Variants in POLR3B observed in about 807,000 individuals in gnomAD.
POLR3B encodes DNA-directed RNA polymerase III subunit RPC2.
Under a neutral mutation model 147.4 loss-of-function variants are expected in POLR3B, and 96 were observed. That is an observed-to-expected ratio of 0.65 (90% CI 0.55 to 0.77). The LOEUF is 0.77. Among genes scored for constraint, POLR3B ranks in the 30% least tolerant of loss-of-function variants. The pLI is 0.00. For missense variants in POLR3B, 1,036 were observed against 1,413.5 expected (o/e 0.73, Z 4.28); for synonymous variants, 461 against 485.9 (o/e 0.95, Z 0.67).
chr12:106,386,991 A>G (rs187086547), intron 9 of POLR3B, among the ~76,000 whole-genome samples: 96 of 152,314 alleles, frequency 6.3e-4, no homozygotes, highest in Middle Eastern at 6.8e-3. Flanking sequence ...TTACATACAC[A>G]CAGCTGACTT....
intron 23 of POLR3B, 173 bp from the exon 24 acceptor site, chr12:106,495,882 A>T: frequency 1.4e-6 from 1 of 714,440 alleles, no homozygotes; most frequent in Non-Finnish European, 2.6e-6. Context: ...TCGTTTTTGA[A>T]CTGTTTGTCA....
chr12:106,369,479 G>A (rs2036575350), intron 5 of POLR3B, 104 bp from the exon 6 acceptor site: 1 of 973,922 alleles, frequency 1.0e-6, no homozygotes, highest in Non-Finnish European at 1.7e-6. Flanking sequence ...AGGGATTAAA[G>A]TTCAATGTGG....
At chr12:106,501,056 A>G (rs1438388779) in intron 25 of POLR3B, among the ~76,000 whole-genome samples, 1 of 152,184 alleles carries the variant, frequency 6.6e-6, no homozygotes, top group Non-Finnish European at 1.5e-5. Context: ...CTGACCAGGG[A>G]GGTCATCCTG....
At chr12:106,359,936 A>G (rs2036445459) in intron 1 of POLR3B, among the ~76,000 whole-genome samples, 1 of 152,136 alleles carries the variant, frequency 6.6e-6, no homozygotes, top group Admixed American at 6.5e-5. Flanking sequence ...GGAGATTTCT[A>G]TTTCTTATCT....
intron 23 of POLR3B, among the ~76,000 whole-genome samples, chr12:106,486,638 A>C (rs888322825): frequency 6.6e-6 from 1 of 152,198 alleles, no homozygotes; most frequent in African/African-American, 2.4e-5. Context: ...TACAGCTGCC[A>C]CAAATCCAGA....
At chr12:106,420,963 T>C (rs1433374627) in intron 12 of POLR3B, among the ~76,000 whole-genome samples, 1 of 152,196 alleles carries the variant, frequency 6.6e-6, no homozygotes, top group Admixed American at 6.5e-5. Context: ...ATCATTTACA[T>C]CTTTAATTTT....
intron 13 of POLR3B, among the ~76,000 whole-genome samples, 187 bp downstream of exon 13, chr12:106,427,545 A>T (rs946545548): frequency 6.6e-6 from 1 of 152,200 alleles, no homozygotes. Flanking sequence ...CTGCCAAATT[A>T]TAGTTGCTGT....
intron 20 of POLR3B, among the ~76,000 whole-genome samples, chr12:106,454,960 A>G (rs2037845982): frequency 6.6e-6 from 1 of 151,596 alleles, no homozygotes; most frequent in African/African-American, 2.4e-5. Flanking sequence ...GTTACGTGAG[A>G]CAATCCTTCA....
chr12:106,409,251 G>A (rs372032954), intron 11 of POLR3B, among the ~76,000 whole-genome samples: 5 of 150,488 alleles, frequency 3.3e-5, no homozygotes, highest in East Asian at 3.9e-4. Flanking sequence ...TACAGCTTTC[G>A]AAATACCAAT....
At chr12:106,498,372 C>T (rs928915064) in intron 25 of POLR3B, among the ~76,000 whole-genome samples, 5 of 152,156 alleles carry the variant, frequency 3.3e-5, no homozygotes, top group African/African-American at 9.7e-5. Flanking sequence ...TTGTGTTAAC[C>T]TGTGAGAAAC....
intron 23 of POLR3B, among the ~76,000 whole-genome samples, chr12:106,470,706 ACAGGCCTGTCAG>A (rs1196387299): frequency 4.6e-5 from 7 of 152,138 alleles, no homozygotes; most frequent in Non-Finnish European, 1.5e-5. Flanking sequence ...ATTCTAACAG[ACAGGCCTGTCAG>A]CTGCAGGTCT....
intron 1 of POLR3B, among the ~76,000 whole-genome samples, chr12:106,360,731 G>A (rs2036458437): frequency 6.6e-6 from 1 of 152,178 alleles, no homozygotes; most frequent in Non-Finnish European, 1.5e-5. Context: ...GTTACTTGTT[G>A]AATAAATATT....
rs200782069 is a variant in POLR3B, at chr12:106,444,468, C to T, written c.1961C>T (p.Thr654Ile). Residue 654 changes from threonine (T) to isoleucine (I), a missense_variant, in exon 19 of 28, where the codon ACC becomes ATC. This residue lies in a region of POLR3B where 177 missense variants were observed against 232.7 expected (regional missense o/e 0.76). Transcript: ENST00000228347. ...ALYEHTINKD[T>I]THLEIEPFTL... ...ATTTTTACTTAACTTGTTAGAGACA[C>T]CACCCACTTGGAGATTGAACCCTTC... 12 of 1,613,742 alleles carry T rather than the reference C, an allele frequency of 7.4e-6. No individual in the cohort carries two copies. The highest frequency in any genetic ancestry group is 9.3e-6 in the Non-Finnish European group (11 of 1,179,884).
At chr12:106,464,335 G>T (rs1403355635) in intron 23 of POLR3B, among the ~76,000 whole-genome samples, 1 of 152,212 alleles carries the variant, frequency 6.6e-6, no homozygotes, top group Non-Finnish European at 1.5e-5. Context: ...CACTTTTGTA[G>T]CACTAACTGT....
At chr12:106,385,102 G>A (rs1337976553) in intron 9 of POLR3B, among the ~76,000 whole-genome samples, 4 of 152,194 alleles carry the variant, frequency 2.6e-5, no homozygotes, top group African/African-American at 9.7e-5. Context: ...GGGATTAGGT[G>A]TAAGCCACAG....
chr12:106,500,701 C>T (rs2038585100), intron 25 of POLR3B, among the ~76,000 whole-genome samples: 1 of 152,066 alleles, frequency 6.6e-6, no homozygotes, highest in Non-Finnish European at 1.5e-5. Flanking sequence ...GTCAGAGGCC[C>T]CAAGAGAGGA....
At chr12:106,372,859 A>G (rs969110780) in intron 6 of POLR3B, among the ~76,000 whole-genome samples, 1 of 152,108 alleles carries the variant, frequency 6.6e-6, no homozygotes, top group African/African-American at 2.4e-5. Flanking sequence ...GTCATATTAC[A>G]TAACTTTAGT....
chr12:106,486,315 A>G (rs996658156), intron 23 of POLR3B, among the ~76,000 whole-genome samples: 2 of 147,754 alleles, frequency 1.4e-5, no homozygotes, highest in Non-Finnish European at 1.5e-5. Flanking sequence ...AAAAAAAAAA[A>G]GAGTAAGGAG....
chr12:106,437,929 G>T, intron 18 of POLR3B, 150 bp downstream of exon 18: 1 of 651,418 alleles, frequency 1.5e-6, no homozygotes, highest in South Asian at 1.8e-5. Context: ...GTTTGAACAT[G>T]CAGGTTTGTT....
Sources: gnomAD v4.1 joint callset for allele counts (sites outside exome capture counted in the v4.1 genomes callset) on GRCh38, gnomAD v4.1.1 for gene constraint, gnomAD v4.1.1 regional missense constraint, MANE v1.5 for transcripts, NCBI Gene and HGNC (gene_info 2026-07-23, HGNC 2026-07-21) for gene names.